Variants in MED13L observed in about 807,000 individuals in gnomAD.
The protein encoded by MED13L is mediator complex subunit 13L.
In MED13L, 7 loss-of-function variants were observed where a neutral mutation model predicts 220.9. The ratio of observed to expected loss-of-function variants is 0.03; its 90% CI spans 0.02 to 0.06. MED13L has a LOEUF of 0.06. Among genes scored for constraint, MED13L ranks in the 10% least tolerant of loss-of-function variants. The pLI is 1.00. For synonymous variants in MED13L, 1,011 were observed against 1,015.2 expected (o/e 1.00, Z 0.08); for missense variants, 1,965 against 2,760.5 (o/e 0.71, Z 6.46).
chr12:116,107,956 G>A (rs1873725087), intron 3 of MED13L, among the ~76,000 whole-genome samples: 1 of 152,146 alleles, frequency 6.6e-6, no homozygotes. Context: ...TGGGCATGGT[G>A]GCACGTGCCT....
rs766914766 is a variant in MED13L at position 115,996,504 on chromosome 12, C to G, written c.2968G>C (p.Ala990Pro). ...TAGCCATCTCTAATGAAAGTGGCTGCAGGGGGCATGGGCAGTTGTTCAATT... is the reference window on the plus strand; with the variant it reads ...TAGCCATCTCTAATGAAAGTGGCTGGAGGGGGCATGGGCAGTTGTTCAATT... ...PKIEQLPMPP[A>P]ATFIRDGYNN... The change falls in exon 16 of 31, where the codon GCA (alanine) becomes CCA (proline). Residue 990 changes from alanine to proline, a missense_variant. Ala to Pro is a conservative substitution (Grantham distance 27, BLOSUM62 -1). Transcript: ENST00000281928. The G allele has an allele frequency of 1.9e-6, 3 of 1,614,104 alleles. No homozygotes were observed. In the South Asian group the frequency reaches 3.3e-5, roughly 18 times the overall value.
chr12:116,093,355 T>C (rs945839073), intron 4 of MED13L, among the ~76,000 whole-genome samples: 19 of 152,098 alleles, frequency 1.2e-4, no homozygotes, highest in African/African-American at 4.1e-4. Flanking sequence ...ATTGAATGAA[T>C]TTCTATGTTT....
chr12:116,202,477 T>G (rs1188869216), intron 2 of MED13L, among the ~76,000 whole-genome samples: 1 of 152,154 alleles, frequency 6.6e-6, no homozygotes, highest in Non-Finnish European at 1.5e-5. Context: ...TTGAGAAATA[T>G]AACACTGTAT....
intron 1 of MED13L, among the ~76,000 whole-genome samples, chr12:116,253,051 C>T (rs1410630812): frequency 6.6e-6 from 1 of 152,064 alleles, no homozygotes; most frequent in Non-Finnish European, 1.5e-5. Context: ...CACCTGAGGT[C>T]AGGAGTTCAA....
chr12:116,253,976 G>A (rs940764026), intron 1 of MED13L, among the ~76,000 whole-genome samples: 1 of 151,782 alleles, frequency 6.6e-6, no homozygotes, highest in Non-Finnish European at 1.5e-5. Context: ...GGCCAGGCTG[G>A]TCTCGAACCC....
At position 116,192,603 on chromosome 12, in the gene MED13L, A is replaced by G. The variant is rs1023182993; in HGVS notation, c.310+44865T>C. Among the ~76,000 whole-genome samples the G allele has an allele frequency of 4.6e-5, 7 of 152,244 alleles. No individual in the cohort carries two copies. The East Asian group carries it at 1.3e-3, about 29-fold the overall frequency. On this transcript the variant is annotated intron_variant, in intron 2 of 30. Transcript: ENST00000281928. ...GACATACCGGAAACATAAATATGTC[A>G]AAGTCTTTATACCAACCTACTCAGG...
At chr12:115,967,413 A>G (rs148577812) in intron 28 of MED13L, among the ~76,000 whole-genome samples, 191 of 152,280 alleles carry the variant, frequency 1.3e-3, no homozygotes, top group African/African-American at 4.5e-3. Context: ...TCAGGATTGA[A>G]AAAGGCCACC....
At chr12:116,179,462 T>G (rs1275343762) in intron 2 of MED13L, among the ~76,000 whole-genome samples, 1 of 151,816 alleles carries the variant, frequency 6.6e-6, no homozygotes, top group East Asian at 1.9e-4. Flanking sequence ...ATCAAAAAAA[T>G]TATCAGGCAT....
chr12:115,975,598 G>C lies in MED13L; in HGVS notation c.5505C>G (p.Asp1835Glu). Residue 1835 changes from aspartate to glutamate, a missense_variant, in exon 24 of 31, where the codon GAC (aspartate) becomes GAG (glutamate). Transcript: ENST00000281928. ...VLFVGYCLSH[D>E]QRWLLASCTD... ...TGCAGGAAGCCAAAAGCCAGCGCTG[G>C]TCGTGAGACAGACAATAGCCCACGA... is the stretch of plus-strand genomic sequence containing the variant. 5.0e-6 allele frequency: 8 copies of C among 1,614,138 alleles called. No homozygotes were observed. Among genetic ancestry groups the C allele is most frequent in the Non-Finnish European group, 6.8e-6 (8 of 1,180,008 alleles).
chr12:116,251,393 C>CTCGT (rs1871544098), intron 1 of MED13L, among the ~76,000 whole-genome samples: 1 of 138,478 alleles, frequency 7.2e-6, no homozygotes, highest in Non-Finnish European at 1.5e-5. Flanking sequence ...ATCTCCTGAC[C>CTCGT]TCGTGATCCA....
chr12:116,056,616 G>T, intron 4 of MED13L, among the ~76,000 whole-genome samples: 1 of 152,174 alleles, frequency 6.6e-6, no homozygotes, highest in East Asian at 1.9e-4. Context: ...ACTAGAATTA[G>T]TTCCAACTAC....
chr12:116,090,568 G>C (rs1229946939), intron 4 of MED13L, among the ~76,000 whole-genome samples: 1 of 152,092 alleles, frequency 6.6e-6, no homozygotes, highest in Non-Finnish European at 1.5e-5. Flanking sequence ...GACATGTCCA[G>C]ACTTCACCAA....
intron 1 of MED13L, among the ~76,000 whole-genome samples, chr12:116,251,310 T>C (rs1174520089): frequency 7.6e-5 from 6 of 78,992 alleles, no homozygotes; most frequent in Non-Finnish European, 1.1e-4. Flanking sequence ...CATGGATCCT[T>C]TTTTTTTTTT....
At chr12:115,987,078 G>A (rs2137289760) in intron 18 of MED13L, 31 bp downstream of exon 18, 1 of 1,611,080 alleles carries the variant, frequency 6.2e-7, no homozygotes, top group East Asian at 2.2e-5. Flanking sequence ...ACTGAAGTCA[G>A]AAGGAATTTT....
chr12:116,175,564 C>A (rs1221504131), intron 2 of MED13L, among the ~76,000 whole-genome samples: 1 of 152,096 alleles, frequency 6.6e-6, no homozygotes, highest in East Asian at 1.9e-4. Flanking sequence ...AATATTGAGA[C>A]CTTAACTTTT....
intron 2 of MED13L, among the ~76,000 whole-genome samples, chr12:116,138,963 C>G (rs763405703): frequency 6.6e-6 from 1 of 152,150 alleles, no homozygotes; most frequent in Non-Finnish European, 1.5e-5. Flanking sequence ...GTGATTCACA[C>G]ATTTGGTTAA....
intron 2 of MED13L, among the ~76,000 whole-genome samples, chr12:116,223,675 G>A (rs1297306088): frequency 6.6e-6 from 1 of 152,094 alleles, no homozygotes; most frequent in African/African-American, 2.4e-5. Context: ...TTGCACTCCA[G>A]CCTGGGCGAC....
intron 1 of MED13L, among the ~76,000 whole-genome samples, chr12:116,251,662 G>A (rs1282129790): frequency 1.3e-5 from 2 of 151,298 alleles, no homozygotes; most frequent in African/African-American, 4.9e-5. Flanking sequence ...TCGGGAGGCT[G>A]AGGCAGGAGA....
At chr12:116,268,085 C>T (rs2138580238) in intron 1 of MED13L, among the ~76,000 whole-genome samples, 1 of 152,258 alleles carries the variant, frequency 6.6e-6, no homozygotes, top group African/African-American at 2.4e-5. Flanking sequence ...CCAGGAATTC[C>T]ATCACTTAAC....
Sources: allele counts gnomAD v4.1 joint callset (sites outside exome capture counted in the v4.1 genomes callset), GRCh38; gene constraint gnomAD v4.1.1; transcripts MANE v1.5; gene names NCBI Gene and HGNC (gene_info 2026-07-23, HGNC 2026-07-21).